The following KIF26B variants were observed in gnomAD, a reference collection of about 807,000 sequenced individuals.
KIF26B encodes kinesin family member 26B, also known as kinesin-like protein KIF26B.
In KIF26B, 63 loss-of-function variants were observed where a neutral mutation model predicts 151.2. That is an observed-to-expected ratio of 0.42 (90% CI 0.34 to 0.51). The LOEUF (loss-of-function observed/expected upper bound fraction) is 0.51. Ranked by LOEUF, KIF26B falls within the 20% of genes least tolerant of loss-of-function variation. The probability of loss-of-function intolerance (pLI) is 0.07; values close to 1 mark genes in which losing one functional copy is unlikely to be tolerated. For missense variants in KIF26B, 2,813 were observed against 2,913.6 expected, an observed-to-expected ratio of 0.97 and a Z score of 0.79; for synonymous variants, 1,357 against 1,262.1, an observed-to-expected ratio of 1.08 and a Z score of -1.59.
intron 2 of KIF26B, among the ~76,000 whole-genome samples, chr1:245,235,752 A>T (rs889189945): frequency 5.3e-5 from 8 of 152,082 alleles, no homozygotes; most frequent in Non-Finnish European, 1.5e-5. Flanking sequence ...TAAAGTCTGA[A>T]GCTCCTGAAA....
chr1:245,420,749 A>G (rs961454533), intron 4 of KIF26B, among the ~76,000 whole-genome samples: 1 of 152,272 alleles, frequency 6.6e-6, no homozygotes, highest in Non-Finnish European at 1.5e-5. Context: ...ATGAGAAATT[A>G]TAAAGTACTG....
chr1:245,440,413 A>G (rs369969347), intron 4 of KIF26B, among the ~76,000 whole-genome samples: 1 of 152,176 alleles, frequency 6.6e-6, no homozygotes, highest in African/African-American at 2.4e-5. Context: ...TTTTGGAACT[A>G]TCTCTTAAGA....
chr1:245,531,958 A>G (rs2103097233), intron 4 of KIF26B, among the ~76,000 whole-genome samples: 1 of 152,210 alleles, frequency 6.6e-6, no homozygotes, highest in Admixed American at 6.5e-5. Context: ...TCAATTAGCC[A>G]GGCATGATGG....
chr1:245,418,748 T>C (rs963444171), intron 3 of KIF26B, among the ~76,000 whole-genome samples: 2 of 152,216 alleles, frequency 1.3e-5, no homozygotes, highest in Non-Finnish European at 2.9e-5. Flanking sequence ...GTTTTCCAAA[T>C]ACTTAGACTC....
chr1:245,281,723 G>T (rs1348478479), intron 2 of KIF26B, among the ~76,000 whole-genome samples: 3 of 151,070 alleles, frequency 2.0e-5, no homozygotes, highest in Non-Finnish European at 3.0e-5. Flanking sequence ...TTCTTCCAGG[G>T]TTTTTATGGT....
Position 245,156,564 on chromosome 1 carries a change from G to T in KIF26B, c.346G>T (p.Gly116Cys). Residue 116 changes from glycine to cysteine, a missense_variant, in exon 2 of 15, where the codon GGC (glycine) becomes TGC (cysteine). This residue lies in a region of KIF26B where 676 missense variants were observed against 688.1 expected (regional missense o/e 0.98). Coordinates refer to ENST00000407071, the MANE Select transcript of KIF26B (RefSeq NM_018012.4). ...CACAGGCTCCCCGGGCTCCGGCAGCGGCGGCGGCTCCTCCCCCGGCTCGGA... is the reference window on the plus strand; with the variant it reads ...CACAGGCTCCCCGGGCTCCGGCAGCTGCGGCGGCTCCTCCCCCGGCTCGGA... Reference protein sequence around the residue: ...FGTGSPGSGSGGGSSPGSDRG... With the variant: ...FGTGSPGSGSCGGSSPGSDRG... 1 of 1,531,586 alleles carries T rather than the reference G, an allele frequency of 6.5e-7. No homozygotes were observed. Among genetic ancestry groups the T allele is most frequent in the Non-Finnish European group, 8.7e-7 (1 of 1,145,334 alleles). The allele number at this position is 1,531,586 out of a possible 1,614,324, so 94.9% of individuals were successfully genotyped here. A position where few individuals can be genotyped will look rare whatever the true frequency, so the allele number is the denominator to read the frequency against.
chr1:245,672,672 T>C (rs1350113343), intron 10 of KIF26B, among the ~76,000 whole-genome samples: 5 of 152,110 alleles, frequency 3.3e-5, no homozygotes, highest in Non-Finnish European at 7.3e-5. Flanking sequence ...CTATTTTATT[T>C]GGATAGAGAG....
chr1:245,389,591 C>G (rs1673635497), intron 3 of KIF26B, among the ~76,000 whole-genome samples: 1 of 152,186 alleles, frequency 6.6e-6, no homozygotes, highest in Admixed American at 6.5e-5. Context: ...TTGAGGCTCA[C>G]TGCATATAAC....
intron 3 of KIF26B, among the ~76,000 whole-genome samples, chr1:245,383,965 G>A (rs1283283713): frequency 6.6e-6 from 1 of 152,132 alleles, no homozygotes; most frequent in Non-Finnish European, 1.5e-5. Flanking sequence ...TTTCCTTTGG[G>A]AAAACTGTGC....
chr1:245,699,952 G>A (rs2044746337), intron 14 of KIF26B, among the ~76,000 whole-genome samples: 1 of 152,072 alleles, frequency 6.6e-6, no homozygotes, highest in African/African-American at 2.4e-5. Flanking sequence ...GGGTGAAGGT[G>A]CGGAAGAAAG....
chr1:245,431,323 C>T lies in KIF26B; in HGVS notation c.1166+11578C>T, dbSNP rs536165928. 4.7e-5 allele frequency among the ~76,000 whole-genome samples: 7 copies of T among 148,650 alleles called. No homozygotes were observed. The South Asian group carries it at 6.4e-4, about 14-fold the overall frequency. ...CCTCCTGAGTAGCTAGGACTGCAGGCGCCCGCCACCATGCCCAGCTAATTT... is the reference window on the plus strand; with the variant it reads ...CCTCCTGAGTAGCTAGGACTGCAGGTGCCCGCCACCATGCCCAGCTAATTT... On this transcript the variant is annotated intron_variant, in intron 4 of 14. Coordinates refer to ENST00000407071, the MANE Select transcript of KIF26B (RefSeq NM_018012.4).
chr1:245,488,330 G>A lies in KIF26B; in HGVS notation c.1167-52437G>A, dbSNP rs115093249. Among the ~76,000 whole-genome samples, 1,166 of 152,022 alleles carry A rather than the reference G, an allele frequency of 7.7e-3. 9 individuals are homozygous for A. The highest frequency in any genetic ancestry group is 0.058 in the Middle Eastern group (17 of 294). The stretch of plus-strand genomic sequence containing the variant: ...ACCATATGGGGAAAAAAAAAAATCA[G>A]CAACAACTTTGTACCCACCTGACAT... On this transcript the variant is annotated intron_variant, in intron 4 of 14. Coordinates refer to ENST00000407071, the MANE Select transcript of KIF26B (RefSeq NM_018012.4). The surrounding 1 kb of genome is among the most constrained non-coding windows in gnomAD (Gnocchi z 4.6).
chr1:245,375,126 A>G lies in KIF26B; in HGVS notation c.999+7759A>G, dbSNP rs1026137320. Reference sequence around the variant, plus strand: ...TTTTGAGACGGCGTCTCACTCTGCCACCCAGGCTGGAGTGCAATGGTGCGA... The same window carrying G: ...TTTTGAGACGGCGTCTCACTCTGCCGCCCAGGCTGGAGTGCAATGGTGCGA... On this transcript the variant is annotated intron_variant, in intron 3 of 14. Coordinates refer to ENST00000407071, the MANE Select transcript of KIF26B (RefSeq NM_018012.4). This position sits in a 1 kb window ranked among gnomAD's most constrained non-coding sequence, Gnocchi z 4.2. 8.5e-5 allele frequency among the ~76,000 whole-genome samples: 13 copies of G among 152,256 alleles called. No individual in the cohort carries two copies. The highest frequency in any genetic ancestry group is 6.5e-4 in the Admixed American group (10 of 15,300).
At chr1:245,212,352 A>T (rs1669554768) in intron 2 of KIF26B, among the ~76,000 whole-genome samples, 1 of 152,094 alleles carries the variant, frequency 6.6e-6, no homozygotes, top group Non-Finnish European at 1.5e-5. Flanking sequence ...TTCCTGCAGG[A>T]CACCCTGCCG....
At chr1:245,489,001 G>A (rs187611221) in intron 4 of KIF26B, among the ~76,000 whole-genome samples, 23 of 152,220 alleles carry the variant, frequency 1.5e-4, no homozygotes, top group Admixed American at 4.6e-4. Flanking sequence ...TCTAGGCTCC[G>A]GTACTCTAGA....
chr1:245,688,247 C>A lies in KIF26B; in HGVS notation c.5264C>A (p.Thr1755Asn). 1.3e-6 allele frequency: 2 copies of A among 1,593,392 alleles called. No individual in the cohort carries two copies. Among genetic ancestry groups the A allele is most frequent in the Non-Finnish European group, 1.7e-6 (2 of 1,175,818 alleles). ...GGCCCGTCCGCCTCCACCACCAAAA[C>A]CCTCAGCTTCTCCACCAAGTCCCTG... ...ARGPSASTTK[T>N]LSFSTKSLPQ... Residue 1755 changes from threonine to asparagine, a missense_variant, in exon 12 of 15, where the codon ACC (threonine) becomes AAC (asparagine). Physicochemically the swap from Thr to Asn is moderately conservative, Grantham distance 65 (BLOSUM62 0). Coordinates refer to ENST00000407071, the MANE Select transcript of KIF26B (RefSeq NM_018012.4).
At chr1:245,408,349 CTTTTTTTTT>C (rs58724712) in intron 3 of KIF26B, among the ~76,000 whole-genome samples, 3 of 113,332 alleles carry the variant, frequency 2.6e-5, no homozygotes, top group African/African-American at 9.4e-5. Context: ...TTAAATGATT[CTTTTTTTTT>C]TTTTTTTTTT....
At chr1:245,247,425 C>T (rs984642392) in intron 2 of KIF26B, among the ~76,000 whole-genome samples, 35 of 152,152 alleles carry the variant, frequency 2.3e-4, no homozygotes, top group African/African-American at 8.4e-4. Flanking sequence ...GCCAATGTAC[C>T]CCAGCCTGGG....
intron 2 of KIF26B, among the ~76,000 whole-genome samples, chr1:245,160,954 A>G (rs1052015876): frequency 6.6e-6 from 1 of 152,236 alleles, no homozygotes; most frequent in African/African-American, 2.4e-5. Context: ...AGACGCAAAA[A>G]GTCCCCCAAA....
Sources: allele counts gnomAD v4.1 joint callset (sites outside exome capture counted in the v4.1 genomes callset), GRCh38; gene constraint gnomAD v4.1.1; regional missense constraint gnomAD v4.1.1; non-coding constraint Gnocchi (gnomAD v3.1); transcripts MANE v1.5; gene names NCBI Gene and HGNC (gene_info 2026-07-23, HGNC 2026-07-21).